DLG2: variants seen among roughly 807,000 people sequenced by gnomAD.
DLG2 encodes the protein disks large homolog 2.
In DLG2, 45 loss-of-function variants were observed where a neutral mutation model predicts 132.5. That is an observed-to-expected ratio of 0.34 (90% CI 0.27 to 0.44). The LOEUF is 0.44. DLG2 is among the 20% of genes least tolerant of loss of function. The probability of loss-of-function intolerance (pLI) is 1.00; values close to 1 mark genes in which losing one functional copy is unlikely to be tolerated. For synonymous variants in DLG2, 424 were observed against 419.6 expected, an observed-to-expected ratio of 1.01 and a Z score of -0.13; for missense variants, 1,045 against 1,196.9, an observed-to-expected ratio of 0.87 and a Z score of 1.87.
chr11:85,321,075 AG>A (rs2081033585), intron 3 of DLG2, among the ~76,000 whole-genome samples: 1 of 151,982 alleles, frequency 6.6e-6, no homozygotes, highest in Non-Finnish European at 1.5e-5. Flanking sequence ...GAAACTATTG[AG>A]CACTCTAGGT....
At chr11:84,868,873 T>C (rs113897610) in intron 6 of DLG2, among the ~76,000 whole-genome samples, 470 of 152,316 alleles carry the variant, frequency 3.1e-3, no homozygotes, top group Non-Finnish European at 5.5e-3. Context: ...CAAATAATTA[T>C]TGAATAACTG....
chr11:83,848,295 G>A (rs566374444), intron 16 of DLG2, among the ~76,000 whole-genome samples: 1 of 152,030 alleles, frequency 6.6e-6, no homozygotes, highest in South Asian at 2.1e-4. Flanking sequence ...GTACAGATTA[G>A]GTACAGATTA....
chr11:84,566,276 T>C (rs567905738), intron 6 of DLG2, among the ~76,000 whole-genome samples: 1 of 152,238 alleles, frequency 6.6e-6, no homozygotes, highest in East Asian at 1.9e-4. Context: ...AGTAATTATT[T>C]TTATCTTATG....
At chr11:84,399,651 G>A (rs180864236) in intron 7 of DLG2, among the ~76,000 whole-genome samples, 21 of 152,166 alleles carry the variant, frequency 1.4e-4, no homozygotes, top group South Asian at 6.2e-4. Context: ...CCCTTACCTC[G>A]GGTTATCCAC....
intron 3 of DLG2, among the ~76,000 whole-genome samples, chr11:85,374,003 A>C (rs879683456): frequency 1.3e-5 from 2 of 152,134 alleles, no homozygotes; most frequent in South Asian, 2.1e-4. Context: ...TCACTAACTC[A>C]TAAGTATTGT....
intron 19 of DLG2, chr11:83,632,128 G>C (rs183530144): frequency 6.6e-6 from 1 of 152,114 alleles, no homozygotes; most frequent in African/African-American, 2.4e-5. Context: ...CAGTTCAGTC[G>C]GGAAATTAAG....
chr11:84,179,453 T>C (rs936454992), intron 8 of DLG2, among the ~76,000 whole-genome samples: 3 of 152,132 alleles, frequency 2.0e-5, no homozygotes, highest in African/African-American at 4.8e-5. Context: ...TGGGAACCAG[T>C]GCCAGGGTAG....
chr11:84,325,340 T>C (rs1472713377), intron 7 of DLG2, among the ~76,000 whole-genome samples: 1 of 152,108 alleles, frequency 6.6e-6, no homozygotes, highest in African/African-American at 2.4e-5. Context: ...TAGGTATTTC[T>C]CTAATGCTAT....
chr11:84,654,718 T>C (rs1445938541), intron 6 of DLG2, among the ~76,000 whole-genome samples: 2 of 152,210 alleles, frequency 1.3e-5, no homozygotes, highest in Non-Finnish European at 2.9e-5. Context: ...ATGGCACAAA[T>C]GTTTGTTGGA....
At chr11:85,029,025 G>A (rs2060787924) in intron 6 of DLG2, among the ~76,000 whole-genome samples, 1 of 152,146 alleles carries the variant, frequency 6.6e-6, no homozygotes, top group Non-Finnish European at 1.5e-5. Context: ...ACTTATGAAG[G>A]GGAAGCAAAT....
chr11:84,966,837 T>G (rs147432545), intron 6 of DLG2, among the ~76,000 whole-genome samples: 45 of 152,196 alleles, frequency 3.0e-4, no homozygotes, highest in African/African-American at 1.0e-3. Flanking sequence ...TTTTAAAGAT[T>G]CTGAAAGTAT....
intron 7 of DLG2, chr11:84,317,040 C>T (rs1318533250): frequency 6.2e-7 from 1 of 1,612,726 alleles, no homozygotes; most frequent in African/African-American, 1.3e-5. Flanking sequence ...CTCTGCCAGC[C>T]ACAAGCACAG....
chr11:85,013,381 TG>T (rs1255017981), intron 6 of DLG2, among the ~76,000 whole-genome samples: 1 of 152,128 alleles, frequency 6.6e-6, no homozygotes, highest in African/African-American at 2.4e-5. Flanking sequence ...GTAGCCATGG[TG>T]GAAGAATTGC....
chr11:85,590,224 T>C (rs576685464), intron 3 of DLG2, among the ~76,000 whole-genome samples: 9 of 152,348 alleles, frequency 5.9e-5, no homozygotes, highest in African/African-American at 2.2e-4. Context: ...AATGAAGAAC[T>C]GTTCATTCCA....
At chr11:85,475,607 T>C (rs950649385) in intron 3 of DLG2, among the ~76,000 whole-genome samples, 1 of 152,160 alleles carries the variant, frequency 6.6e-6, no homozygotes, top group African/African-American at 2.4e-5. Flanking sequence ...CAAAAGAGAA[T>C]ACTATTAGAT....
intron 5 of DLG2, among the ~76,000 whole-genome samples, chr11:85,148,896 T>C (rs1300076875): frequency 6.6e-6 from 1 of 152,222 alleles, no homozygotes; most frequent in Non-Finnish European, 1.5e-5. Flanking sequence ...TACATTTAAG[T>C]ATTTAACCCA....
At chr11:83,855,487 A>G (rs983945716) in intron 16 of DLG2, among the ~76,000 whole-genome samples, 2 of 152,238 alleles carry the variant, frequency 1.3e-5, no homozygotes, top group African/African-American at 4.8e-5. Context: ...AACATTATTC[A>G]TCACCAAAAA....
chr11:85,460,966 G>C (rs72952002), intron 3 of DLG2, among the ~76,000 whole-genome samples: 4,420 of 152,238 alleles, frequency 0.029, 101 homozygotes, highest in East Asian at 0.095. Flanking sequence ...GGTTTGATTT[G>C]TGGTGGTGCT....
At chr11:85,368,914 T>C (rs970405639) in intron 3 of DLG2, among the ~76,000 whole-genome samples, 2 of 152,142 alleles carry the variant, frequency 1.3e-5, no homozygotes, top group African/African-American at 4.8e-5. Flanking sequence ...ATTCAGGCAG[T>C]GGGCAGGAAG....
Sources: gnomAD v4.1 joint callset for allele counts (sites outside exome capture counted in the v4.1 genomes callset) on GRCh38, gnomAD v4.1.1 for gene constraint, MANE v1.5 for transcripts, NCBI Gene and HGNC (gene_info 2026-07-23, HGNC 2026-07-21) for gene names.